The following MAST4 variants were observed in gnomAD, a reference collection of about 807,000 sequenced individuals.
MAST4 encodes the protein microtubule-associated serine/threonine-protein kinase 4.
Under a neutral mutation model 162.7 loss-of-function variants are expected in MAST4, and 89 were observed. The observed-to-expected ratio is 0.55, with a 90% CI of 0.46 to 0.65. The LOEUF (loss-of-function observed/expected upper bound fraction) is 0.65, where lower values mean the gene tolerates loss of function less well. Ranked by LOEUF, MAST4 falls within the 30% of genes least tolerant of loss-of-function variation. The pLI is 0.00. For synonymous variants in MAST4, 1,479 were observed against 1,361.1 expected (o/e 1.09, Z -1.91); for missense variants, 3,153 against 3,374.0 (o/e 0.93, Z 1.62).
At chr5:67,160,157 G>C (rs1032713619) in intron 26 of MAST4, among the ~76,000 whole-genome samples, 61 of 152,152 alleles carry the variant, frequency 4.0e-4, no homozygotes, top group Non-Finnish European at 2.5e-4. Context: ...GGATTATATT[G>C]TTAATTGGTA....
intron 14 of MAST4, 117 bp from the exon 15 acceptor site, chr5:67,130,093 C>A: frequency 1.1e-6 from 1 of 883,330 alleles, no homozygotes; most frequent in Non-Finnish European, 1.7e-6. Flanking sequence ...GTGTGAGCTA[C>A]ATTCCACCTG....
At chr5:66,813,895 T>TGC (rs1241778238) in intron 3 of MAST4, among the ~76,000 whole-genome samples, 1 of 152,216 alleles carries the variant, frequency 6.6e-6, no homozygotes, top group African/African-American at 2.4e-5. Context: ...CACTCTTACA[T>TGC]TGCTTTCAGA....
intron 1 of MAST4, among the ~76,000 whole-genome samples, chr5:66,628,984 A>G (rs1374260246): frequency 1.3e-4 from 20 of 152,228 alleles, no homozygotes; most frequent in Non-Finnish European, 1.5e-5. Flanking sequence ...TGCTAAAAGC[A>G]TGATTACATT....
chr5:67,034,687 T>C (rs968464953), intron 4 of MAST4, among the ~76,000 whole-genome samples: 3 of 152,204 alleles, frequency 2.0e-5, no homozygotes, highest in African/African-American at 7.2e-5. Flanking sequence ...TGAGACACTT[T>C]ATATTCCAAT....
chr5:66,850,256 A>G (rs1580647864), intron 3 of MAST4, among the ~76,000 whole-genome samples: 1 of 152,238 alleles, frequency 6.6e-6, no homozygotes, highest in Admixed American at 6.5e-5. Flanking sequence ...GATTTAATCT[A>G]GCTTCATTAC....
At chr5:67,059,968 A>G (rs1300435628) in intron 5 of MAST4, among the ~76,000 whole-genome samples, 2 of 152,254 alleles carry the variant, frequency 1.3e-5, no homozygotes, top group African/African-American at 2.4e-5. Context: ...GAACATTTTC[A>G]TGCATATCCC....
chr5:67,106,776 G>A (rs1245311958), intron 10 of MAST4, among the ~76,000 whole-genome samples: 1 of 152,132 alleles, frequency 6.6e-6, no homozygotes, highest in Non-Finnish European at 1.5e-5. Context: ...GACTTCTGTG[G>A]TCTCACTTTA....
intron 4 of MAST4, among the ~76,000 whole-genome samples, chr5:66,947,916 A>G (rs1338651106): frequency 6.6e-6 from 1 of 152,178 alleles, no homozygotes; most frequent in African/African-American, 2.4e-5. Context: ...TACTTATTTA[A>G]TAATCTCACA....
At chr5:67,064,187 T>C (rs1759961724) in intron 5 of MAST4, among the ~76,000 whole-genome samples, 1 of 152,156 alleles carries the variant, frequency 6.6e-6, no homozygotes. Flanking sequence ...AGCCTGGCTC[T>C]ACAATGCTAA....
intron 1 of MAST4, among the ~76,000 whole-genome samples, chr5:66,601,553 CTG>C (rs1742549766): frequency 6.6e-6 from 1 of 152,128 alleles, no homozygotes; most frequent in African/African-American, 2.4e-5. Flanking sequence ...GATCTGTGAG[CTG>C]AGACCCCCAG....
chr5:66,724,634 T>C (rs768260321), intron 1 of MAST4, among the ~76,000 whole-genome samples: 7 of 152,176 alleles, frequency 4.6e-5, no homozygotes, highest in Non-Finnish European at 2.9e-5. Context: ...ACTACATACC[T>C]AGGCTATATG....
At chr5:66,955,173 T>C (rs753987313) in intron 4 of MAST4, among the ~76,000 whole-genome samples, 14 of 148,908 alleles carry the variant, frequency 9.4e-5, no homozygotes, top group East Asian at 2.0e-4. Context: ...AATAGTGCCA[T>C]TGGACTCCAG....
Position 66,596,953 on chromosome 5 carries a change from C to T in MAST4, c.298C>T (p.Pro100Ser), listed in dbSNP as rs1410174804. ...RGVLALPPPL[P>S]GGAVPPAPRG... ...AGTCCTTGCGCTGCCGCCGCCGCTT[C>T]CCGGAGGAGCTGTGCCGCCCGCGCC... The change falls in exon 1 of 29, where the codon CCC becomes TCC. Residue 100 changes from proline to serine, a missense_variant. Pro to Ser is a moderately conservative substitution (Grantham distance 74). This residue lies in a region of MAST4 where 327 missense variants were observed against 336.5 expected (regional missense o/e 0.97). Coordinates refer to ENST00000403625, the MANE Select transcript of MAST4 (RefSeq NM_001164664.2). 7.1e-7 allele frequency: 1 copy of T among 1,414,782 alleles called. No individual in the cohort carries two copies. 87.6% of individuals were successfully genotyped at this position (1,414,782 alleles called of 1,614,324 possible).
chr5:66,921,859 A>T (rs976420427), intron 4 of MAST4, among the ~76,000 whole-genome samples: 2 of 152,240 alleles, frequency 1.3e-5, no homozygotes, highest in Non-Finnish European at 2.9e-5. Context: ...ATGTAACTTC[A>T]TGTAACGTTC....
chr5:67,027,490 G>A (rs1432965075), intron 4 of MAST4, among the ~76,000 whole-genome samples: 1 of 152,192 alleles, frequency 6.6e-6, no homozygotes, highest in Admixed American at 6.5e-5. Context: ...TGGAGTCTTA[G>A]ACATGGTTCC....
intron 3 of MAST4, among the ~76,000 whole-genome samples, chr5:66,843,610 C>T (rs1758582597): frequency 6.6e-6 from 1 of 152,056 alleles, no homozygotes; most frequent in African/African-American, 2.4e-5. Context: ...GGAACATAGA[C>T]TTAAGTGAAG....
chr5:66,854,460 A>G (rs1453349318), intron 3 of MAST4, among the ~76,000 whole-genome samples: 1 of 152,190 alleles, frequency 6.6e-6, no homozygotes, highest in African/African-American at 2.4e-5. Context: ...TACAAGGCTA[A>G]TATCAAGGTA....
intron 5 of MAST4, among the ~76,000 whole-genome samples, chr5:67,061,427 T>C (rs1581395632): frequency 6.6e-6 from 1 of 152,216 alleles, no homozygotes; most frequent in Non-Finnish European, 1.5e-5. Context: ...TTTTATTGGC[T>C]TATAAGAAGT....
chr5:66,697,713 G>T (rs926383811), intron 1 of MAST4, among the ~76,000 whole-genome samples: 6 of 152,184 alleles, frequency 3.9e-5, no homozygotes, highest in Admixed American at 3.9e-4. Flanking sequence ...ACATGTAATA[G>T]ATTTATTTTT....
Sources: allele counts gnomAD v4.1 joint callset (sites outside exome capture counted in the v4.1 genomes callset), GRCh38; gene constraint gnomAD v4.1.1; regional missense constraint gnomAD v4.1.1; transcripts MANE v1.5; gene names NCBI Gene and HGNC (gene_info 2026-07-23, HGNC 2026-07-21).